The following CD72 variants were observed in gnomAD, a reference collection of about 807,000 sequenced individuals.
The protein encoded by CD72 is B-cell differentiation antigen CD72.
In CD72, 28 loss-of-function variants were observed where a neutral mutation model predicts 50.7. That is an observed-to-expected ratio of 0.55 (90% CI 0.41 to 0.76). The LOEUF (loss-of-function observed/expected upper bound fraction) is 0.76. CD72 is among the 30% of genes least tolerant of loss of function. The pLI is 0.00. For missense variants in CD72, 403 were observed against 420.6 expected (o/e 0.96, Z 0.37); for synonymous variants, 176 against 171.2 (o/e 1.03, Z -0.22).
chr9:35,628,004 TTTG>T (rs1460685682), intron 1 of CD72, among the ~76,000 whole-genome samples: 4 of 151,868 alleles, frequency 2.6e-5, no homozygotes, highest in Non-Finnish European at 4.4e-5. Flanking sequence ...CCAGACTAAT[TTTG>T]TTGTTGTTGT....
At chr9:35,625,834 C>T (rs1267071651) in intron 1 of CD72, among the ~76,000 whole-genome samples, 4 of 152,170 alleles carry the variant, frequency 2.6e-5, no homozygotes, top group Admixed American at 1.3e-4. Flanking sequence ...GCCTGGATGA[C>T]AGCACATTTG....
chr9:35,635,200 AGT>A (rs1366818220), intron 1 of CD72, among the ~76,000 whole-genome samples: 1 of 152,088 alleles, frequency 6.6e-6, no homozygotes, highest in African/African-American at 2.4e-5. Context: ...TATGTAGCTG[AGT>A]GTGTGTCTTT....
intron 1 of CD72, among the ~76,000 whole-genome samples, chr9:35,638,979 C>T (rs1420048649): frequency 6.6e-6 from 1 of 152,030 alleles, no homozygotes; most frequent in African/African-American, 2.4e-5. Flanking sequence ...AACCCTTAGA[C>T]GCTTTACCGC....
At chr9:35,611,380 T>A (rs1271597302) in intron 7 of CD72, among the ~76,000 whole-genome samples, 1 of 152,184 alleles carries the variant, frequency 6.6e-6, no homozygotes, top group African/African-American at 2.4e-5. Flanking sequence ...GGAGCTTCGA[T>A]GGTACCCCCG....
chr9:35,643,838 C>A (rs139865679), intron 1 of CD72, among the ~76,000 whole-genome samples: 1 of 151,782 alleles, frequency 6.6e-6, no homozygotes, highest in South Asian at 2.1e-4. Flanking sequence ...ATTAGCCGGG[C>A]GTATTGGCAC....
chr9:35,621,427 C>T (rs1315586216), upstream of CD72, among the ~76,000 whole-genome samples: 1 of 152,214 alleles, frequency 6.6e-6, no homozygotes, highest in Non-Finnish European at 1.5e-5. Flanking sequence ...GGAGCATCTC[C>T]TAAGACTCTG....
rs1823010326 is a variant in CD72 at position 35,613,011 on chromosome 9, T to A, written c.689-18A>T. On this transcript the variant is annotated intron_variant, in intron 5 of 8. Coordinates refer to ENST00000259633, the MANE Select transcript of CD72 (RefSeq NM_001782.3). Reference sequence around the variant, plus strand: ...GCAGGTGTCTAAAAAGCAGAAAGAGTGTGATAGCAGCAACAGTTGGGATGA... The same window carrying A: ...GCAGGTGTCTAAAAAGCAGAAAGAGAGTGATAGCAGCAACAGTTGGGATGA... 1 of 1,597,838 alleles carries A rather than the reference T, an allele frequency of 6.3e-7. No homozygotes were observed. The highest frequency in any genetic ancestry group is 8.6e-7 in the Non-Finnish European group (1 of 1,169,330).
intron 1 of CD72, among the ~76,000 whole-genome samples, chr9:35,629,173 G>A (rs527356017): frequency 1.3e-4 from 20 of 152,202 alleles, no homozygotes; most frequent in African/African-American, 4.3e-4. Flanking sequence ...CACTGCGCCC[G>A]GCAGGCATCT....
intron 1 of CD72, among the ~76,000 whole-genome samples, chr9:35,625,270 G>A (rs1823186134): frequency 6.6e-6 from 1 of 152,220 alleles, no homozygotes; most frequent in African/African-American, 2.4e-5. Flanking sequence ...CAGTCTTATT[G>A]CTGATATGGA....
At chr9:35,624,251 AATAATAATAAT>A (rs1823175132), upstream of CD72, among the ~76,000 whole-genome samples, 1 of 146,050 alleles carries the variant, frequency 6.8e-6, no homozygotes, top group African/African-American at 2.5e-5. Context: ...TAATAATAAT[AATAATAATAAT>A]AAATTTAATT....
At chr9:35,614,988 G>A (rs1369817063) in intron 5 of CD72, among the ~76,000 whole-genome samples, 1 of 152,138 alleles carries the variant, frequency 6.6e-6, no homozygotes, top group Non-Finnish European at 1.5e-5. Flanking sequence ...AAAAAGGGGA[G>A]TCAGCAGATT....
At chr9:35,621,155 C>A (rs1823143968), upstream of CD72, among the ~76,000 whole-genome samples, 1 of 152,212 alleles carries the variant, frequency 6.6e-6, no homozygotes, top group Admixed American at 6.5e-5. Context: ...TATCAGGGAA[C>A]TTTTAAGAGG....
intron 1 of CD72, among the ~76,000 whole-genome samples, chr9:35,624,630 AT>A (rs1416812804): frequency 6.6e-6 from 1 of 152,118 alleles, no homozygotes; most frequent in Non-Finnish European, 1.5e-5. Flanking sequence ...GGCACACCTC[AT>A]TTTATTGCAC....
chr9:35,627,330 G>A (rs562577228), intron 1 of CD72, among the ~76,000 whole-genome samples: 159 of 148,420 alleles, frequency 1.1e-3, no homozygotes, highest in African/African-American at 3.8e-3. Context: ...GGGTTTCACC[G>A]TGTTCCCCAG....
intron 1 of CD72, among the ~76,000 whole-genome samples, chr9:35,634,239 C>A (rs1458587676): frequency 6.6e-6 from 1 of 152,110 alleles, no homozygotes; most frequent in African/African-American, 2.4e-5. Flanking sequence ...TAGTTACCAT[C>A]CCTGTCCCTG....
At chr9:35,638,122 G>A (rs1373490597) in intron 1 of CD72, among the ~76,000 whole-genome samples, 1 of 152,120 alleles carries the variant, frequency 6.6e-6, no homozygotes. Flanking sequence ...CGAAAAATGG[G>A]CAAATGGTCG....
At chr9:35,646,624 G>A (rs557998546) in exon 1 of CD72, 12 of 152,318 alleles carry the variant, frequency 7.9e-5, no homozygotes, top group African/African-American at 2.9e-4. Flanking sequence ...CGGGCTGGGG[G>A]ACGGAAAACA....
chr9:35,622,943 CA>C (rs1393713507), upstream of CD72, among the ~76,000 whole-genome samples: 1 of 151,976 alleles, frequency 6.6e-6, no homozygotes, highest in Non-Finnish European at 1.5e-5. Context: ...TCCATCTCTA[CA>C]AAAAATTTAA....
chr9:35,637,466 T>A (rs1823301774), intron 1 of CD72, among the ~76,000 whole-genome samples: 1 of 152,158 alleles, frequency 6.6e-6, no homozygotes, highest in Non-Finnish European at 1.5e-5. Context: ...CCAAGGAACA[T>A]CTCACCAATT....
Sources: allele counts gnomAD v4.1 joint callset (sites outside exome capture counted in the v4.1 genomes callset), GRCh38; gene constraint gnomAD v4.1.1; transcripts MANE v1.5; gene names NCBI Gene and HGNC (gene_info 2026-07-23, HGNC 2026-07-21).